Variants in AKR1C8 observed in about 807,000 individuals in gnomAD.
AKR1C8 encodes aldo-keto reductase family 1 member C8.
At chr10:5,118,520 T>C in the AKR1C8 span, among the ~76,000 whole-genome samples, 1 of 152,106 alleles carries the variant, frequency 6.6e-6, no homozygotes, top group African/African-American at 2.4e-5. Context: ...GTAGTATCTT[T>C]AGTTTTTATG....
chr10:5,132,708 A>G, the AKR1C8 span: 3 of 1,581,386 alleles, frequency 1.9e-6, 1 homozygote, highest in South Asian at 3.3e-5. Context: ...AGCAGAATCA[A>G]TATGGAAGAA....
chr10:5,162,214 G>C, the AKR1C8 span, among the ~76,000 whole-genome samples: 1 of 152,130 alleles, frequency 6.6e-6, no homozygotes, highest in Non-Finnish European at 1.5e-5. Context: ...CTAATAAGGG[G>C]CAGGAAAATC....
chr10:5,132,799 T>A, the AKR1C8 span: 1 of 993,170 alleles, frequency 1.0e-6, no homozygotes. Context: ...TAGTATTTGG[T>A]GATCAATGTG....
At chr10:5,166,404 T>C in the AKR1C8 span, among the ~76,000 whole-genome samples, 1 of 152,156 alleles carries the variant, frequency 6.6e-6, no homozygotes, top group East Asian at 1.9e-4. Context: ...AAGGCTACAG[T>C]ACCCAAAACA....
At chr10:5,166,769 A>G in the AKR1C8 span, among the ~76,000 whole-genome samples, 3 of 152,202 alleles carry the variant, frequency 2.0e-5, no homozygotes, top group East Asian at 5.8e-4. Context: ...AATGGCAACA[A>G]AAGCCAAAAT....
chr10:5,145,946 C>G, the AKR1C8 span, among the ~76,000 whole-genome samples: 6 of 152,034 alleles, frequency 3.9e-5, no homozygotes, highest in Non-Finnish European at 5.9e-5. Context: ...TTGGAACCAA[C>G]CCAAATGTCC....
chr10:5,144,659 G>T, the AKR1C8 span, among the ~76,000 whole-genome samples: 1 of 152,048 alleles, frequency 6.6e-6, no homozygotes, highest in Non-Finnish European at 1.5e-5. Flanking sequence ...ATTCACTCAT[G>T]ATTTGGCTCT....
chr10:5,116,282 T>C, the AKR1C8 span, among the ~76,000 whole-genome samples: 6 of 152,054 alleles, frequency 3.9e-5, no homozygotes, highest in African/African-American at 1.4e-4. Flanking sequence ...TCCAGATGAC[T>C]GTCTTTCAGT....
chr10:5,138,763 G>C, the AKR1C8 span, among the ~76,000 whole-genome samples: 1 of 151,546 alleles, frequency 6.6e-6, no homozygotes, highest in African/African-American at 2.4e-5. Flanking sequence ...AATAGCACAA[G>C]ACAGGGATGC....
the AKR1C8 span, among the ~76,000 whole-genome samples, chr10:5,142,838 G>C: frequency 2.0e-5 from 3 of 152,054 alleles, no homozygotes; most frequent in Non-Finnish European, 1.5e-5. Flanking sequence ...AAAAAACACA[G>C]AGTGAACATG....
chr10:5,166,974 G>A, the AKR1C8 span, among the ~76,000 whole-genome samples: 1 of 150,876 alleles, frequency 6.6e-6, no homozygotes, highest in Non-Finnish European at 1.5e-5. Context: ...GTGGGCAAAG[G>A]ATATGAAGAG....
the AKR1C8 span, among the ~76,000 whole-genome samples, chr10:5,124,849 T>G: frequency 6.6e-6 from 1 of 152,178 alleles, no homozygotes; most frequent in African/African-American, 2.4e-5. Context: ...TGGGGCAATC[T>G]GTCATTTCAT....
At chr10:5,119,150 A>G in the AKR1C8 span, among the ~76,000 whole-genome samples, 1 of 152,196 alleles carries the variant, frequency 6.6e-6, no homozygotes, top group African/African-American at 2.4e-5. Flanking sequence ...ATTTTTGCCT[A>G]TTTATTGGTA....
At chr10:5,160,469 G>A in the AKR1C8 span, among the ~76,000 whole-genome samples, 11 of 152,184 alleles carry the variant, frequency 7.2e-5, no homozygotes, top group Middle Eastern at 3.4e-3. Flanking sequence ...GAGTCAGTCC[G>A]CAGCTGTCCC....
chr10:5,119,896 T>C, the AKR1C8 span, among the ~76,000 whole-genome samples: 3 of 152,298 alleles, frequency 2.0e-5, no homozygotes, highest in South Asian at 6.2e-4. Flanking sequence ...TTTGCTAGCA[T>C]CCCATAACAT....
the AKR1C8 span, among the ~76,000 whole-genome samples, chr10:5,171,623 ATAAGG>A: frequency 6.6e-6 from 1 of 152,050 alleles, no homozygotes; most frequent in Non-Finnish European, 1.5e-5. Flanking sequence ...ATGTCTGAGC[ATAAGG>A]TAAGATTTTT....
the AKR1C8 span, chr10:5,161,652 G>C: frequency 3.8e-6 from 2 of 530,668 alleles, no homozygotes; most frequent in Non-Finnish European, 7.7e-6. Context: ...TTAAGGCTGG[G>C]GGACAAGGAT....
chr10:5,146,828 T>C, the AKR1C8 span, among the ~76,000 whole-genome samples: 1 of 152,294 alleles, frequency 6.6e-6, no homozygotes, highest in East Asian at 1.9e-4. Flanking sequence ...TCTAGAAGGG[T>C]TATCTTCTCA....
At chr10:5,174,833 A>G in the AKR1C8 span, among the ~76,000 whole-genome samples, 32 of 152,230 alleles carry the variant, frequency 2.1e-4, no homozygotes, top group African/African-American at 7.5e-4. Context: ...TAAAATAAAA[A>G]TGAAAGATTA....
Sources: gnomAD v4.1 joint callset for allele counts (sites outside exome capture counted in the v4.1 genomes callset) on GRCh38, gnomAD v4.1.1 for gene constraint, MANE v1.5 for transcripts, NCBI Gene and HGNC (gene_info 2026-07-23, HGNC 2026-07-21) for gene names.